Variants in PCLAF observed in about 807,000 individuals in gnomAD.
The protein encoded by PCLAF is PCNA clamp associated factor, also known as PCNA-associated factor.
PCLAF carries 12 observed loss-of-function variants against 15.1 expected under a neutral mutation model. The observed-to-expected ratio is 0.79, with a 90% CI of 0.51 to 1.29. The LOEUF is 1.29. Among genes scored for constraint, PCLAF ranks in the 50% most tolerant of loss-of-function variants. PCLAF has a pLI of 0.00. For synonymous variants in PCLAF, 33 were observed against 47.1 expected, an observed-to-expected ratio of 0.70 and a Z score of 1.22; for missense variants, 116 against 130.9, an observed-to-expected ratio of 0.89 and a Z score of 0.56.
Position 64,374,865 on chromosome 15 carries a change from GAAGA to G in PCLAF, c.290+1874_290+1877del, listed in dbSNP as rs530027936. 6.6e-3 allele frequency among the ~76,000 whole-genome samples: 979 copies of G among 149,114 alleles called. 9 individuals are homozygous for G. Among genetic ancestry groups the G allele is most frequent in the African/African-American group, 0.016 (648 of 40,400 alleles). On this transcript the variant is annotated intron_variant, in intron 3 of 3. Coordinates refer to ENST00000300035, the MANE Select transcript of PCLAF (RefSeq NM_014736.6). ...CCATATCAAAAAAAAAAAAAAAAAG[GAAGA>G]AAGAAAGAAAAAAAGGAAAAAAGGA...
chr15:64,376,577 G>A (rs541385076), intron 3 of PCLAF, among the ~76,000 whole-genome samples, 166 bp downstream of exon 3: 54 of 152,214 alleles, frequency 3.5e-4, no homozygotes, highest in African/African-American at 1.3e-3. Flanking sequence ...GCACCAGCAC[G>A]CCGAGCTAAT....
intron 3 of PCLAF, chr15:64,373,844 A>T: frequency 7.3e-7 from 1 of 1,369,792 alleles, no homozygotes; most frequent in Non-Finnish European, 9.9e-7. Context: ...CTTTCCTCCT[A>T]CATCCAGACA....
At chr15:64,366,920 C>A (rs146710405) in intron 3 of PCLAF, among the ~76,000 whole-genome samples, 107 of 151,908 alleles carry the variant, frequency 7.0e-4, no homozygotes, top group African/African-American at 2.5e-3. Flanking sequence ...TTGAAGTGAG[C>A]TGAGACTGTG....
In PCLAF at chr15:64,371,008, G is replaced by A. The variant is rs575578518; in HGVS notation, c.291-4933C>T. On this transcript the variant is annotated intron_variant, in intron 3 of 3. Transcript: ENST00000300035. The stretch of plus-strand genomic sequence containing the variant: ...TTTTGAGACGGAGTCTCGCGCTGTC[G>A]CCCAGGCTGGAGTGCAGTAGCGCAA... Among the ~76,000 whole-genome samples the A allele has an allele frequency of 7.1e-5, 9 of 125,964 alleles. No homozygotes were observed. In the South Asian group the frequency reaches 1.7e-3, roughly 24 times the overall value. The allele number at this position is 125,964 out of a possible 152,430, so 82.6% of individuals were successfully genotyped here. A position where few individuals can be genotyped will look rare whatever the true frequency, so the allele number is the denominator to read the frequency against.
At chr15:64,383,393 G>C (rs1899874156), upstream of PCLAF, among the ~76,000 whole-genome samples, 1 of 150,424 alleles carries the variant, frequency 6.6e-6, no homozygotes, top group African/African-American at 2.4e-5. Context: ...TTGAGATGGA[G>C]TCTCACTTCT....
At chr15:64,373,855 A>G in intron 3 of PCLAF, 2 of 1,290,540 alleles carry the variant, frequency 1.5e-6, no homozygotes, top group Non-Finnish European at 2.1e-6. Context: ...CATCCAGACA[A>G]GTACTTTGTT....
rs778588532 is a variant in PCLAF, at chr15:64,366,014, G to C, written c.*16C>G. On this transcript the variant is annotated 3_prime_UTR_variant, in exon 4 of 4. Transcript: ENST00000300035. Reference sequence around the variant, plus strand: ...GGTAAACAAGGAGACGTTATTCAAAGATGAATGAGAAAGTTCTATTCTTTT... The same window carrying C: ...GGTAAACAAGGAGACGTTATTCAAACATGAATGAGAAAGTTCTATTCTTTT... 36 of 1,593,404 alleles carry C rather than the reference G, an allele frequency of 2.3e-5. No homozygotes were observed. In the South Asian group the frequency reaches 3.8e-4, roughly 17 times the overall value.
chr15:64,382,412 T>A (rs1596328863), upstream of PCLAF: 5 of 124,790 alleles, frequency 4.0e-5, no homozygotes, highest in Admixed American at 9.7e-5. Flanking sequence ...CGAGATCCTG[T>A]CTCAAAAAAA....
intron 3 of PCLAF, among the ~76,000 whole-genome samples, chr15:64,374,418 A>G (rs981471417): frequency 6.6e-6 from 1 of 152,082 alleles, no homozygotes; most frequent in African/African-American, 2.4e-5. Context: ...GGGCGCCTGT[A>G]GTCCCAGCTA....
intron 3 of PCLAF, among the ~76,000 whole-genome samples, chr15:64,372,505 T>C (rs577371823): frequency 6.6e-6 from 1 of 151,950 alleles, no homozygotes; most frequent in South Asian, 2.1e-4. Context: ...TCCCAGCTGC[T>C]GGGGAGGCTG....
At chr15:64,386,451 G>A (rs1899938978) in intron 1 of PCLAF, among the ~76,000 whole-genome samples, 1 of 152,124 alleles carries the variant, frequency 6.6e-6, no homozygotes, top group East Asian at 1.9e-4. Context: ...CTTTCAAGTA[G>A]CTGAGACTAC....
intron 2 of PCLAF, 61 bp downstream of exon 2, chr15:64,380,897 G>T: frequency 7.0e-7 from 1 of 1,421,464 alleles, no homozygotes; most frequent in Non-Finnish European, 9.8e-7. Context: ...GAAATTCATG[G>T]CAAGCCAGGG....
chr15:64,373,488 G>A lies in PCLAF; in HGVS notation c.290+3255C>T, dbSNP rs1317264952. On this transcript the variant is annotated intron_variant, in intron 3 of 3. Coordinates refer to ENST00000300035, the MANE Select transcript of PCLAF (RefSeq NM_014736.6). ...GGTTGGAGAACTGTAGCTGTTTCTT[G>A]ACCTGCCTCTTAATGGTAGAGATGT... is the stretch of plus-strand genomic sequence containing the variant. 9 of 745,738 alleles carry A rather than the reference G, an allele frequency of 1.2e-5. No homozygotes were observed. In the South Asian group the frequency reaches 3.0e-4, roughly 25 times the overall value. 46.2% of individuals were successfully genotyped at this position (745,738 alleles called of 1,614,324 possible). A position where few individuals can be genotyped will look rare whatever the true frequency, so the allele number is the denominator to read the frequency against.
chr15:64,379,601 ATG>A (rs1821324761), intron 2 of PCLAF, among the ~76,000 whole-genome samples: 1 of 152,228 alleles, frequency 6.6e-6, no homozygotes, highest in African/African-American at 2.4e-5. Flanking sequence ...GAAATAGTAA[ATG>A]TTTTCTAATG....
In PCLAF at chr15:64,381,036, C is replaced by G. The variant is rs754525854; in HGVS notation, c.49G>C (p.Val17Leu). 1.9e-6 allele frequency: 3 copies of G among 1,614,060 alleles called. No individual in the cohort carries two copies. Among genetic ancestry groups the G allele is most frequent in the Non-Finnish European group, 8.5e-7 (1 of 1,179,976 alleles). ...DSVPGTYRKV[V>L]AARAPRKVLG... The stretch of plus-strand genomic sequence containing the variant: ...ACCTTTCTGGGGGCTCGAGCAGCCA[C>G]CACTGTGAAGAGAGGCAAAAAAGGG... Residue 17 changes from valine (V) to leucine (L), a missense_variant and splice_region_variant, in exon 2 of 4, where the codon GTG becomes CTG. Physicochemically the swap from Val to Leu is conservative, Grantham distance 32. Coordinates refer to ENST00000300035, the MANE Select transcript of PCLAF (RefSeq NM_014736.6).
upstream of PCLAF, among the ~76,000 whole-genome samples, chr15:64,385,157 T>C (rs983699409): frequency 8.5e-5 from 13 of 152,128 alleles, no homozygotes; most frequent in Non-Finnish European, 1.9e-4. Flanking sequence ...CCCAAAATGC[T>C]GAGATTACCG....
intron 1 of PCLAF, among the ~76,000 whole-genome samples, chr15:64,386,619 AGTGTGTGT>A (rs35727456): frequency 2.1e-5 from 3 of 146,314 alleles, no homozygotes; most frequent in East Asian, 2.0e-4. Context: ...CACCACGCCC[AGTGTGTGT>A]GTGTGTGTGT....
At position 64,376,800 on chromosome 15, in the gene PCLAF, T is replaced by A. The variant is rs2140529234; in HGVS notation, c.233A>T (p.Lys78Ile). Reference protein sequence around the residue: ...FFRLSPKDSEKENQIPEEAGS... With the variant: ...FFRLSPKDSEIENQIPEEAGS... ...TGCCTCTTCAGGAATCTGATTCTCTTTTTCAGAATCTTTAGGGGACAACCT... is the reference window on the plus strand; with the variant it reads ...TGCCTCTTCAGGAATCTGATTCTCTATTTCAGAATCTTTAGGGGACAACCT... The change falls in exon 3 of 4, where the codon AAA becomes ATA. Residue 78 changes from lysine to isoleucine, a missense_variant. Transcript: ENST00000300035. The A allele has an allele frequency of 6.2e-7, 1 of 1,614,060 alleles. No individual in the cohort carries two copies. Among genetic ancestry groups the A allele is most frequent in the East Asian group, 2.2e-5 (1 of 44,882 alleles).
intron 3 of PCLAF, among the ~76,000 whole-genome samples, chr15:64,367,397 G>A (rs1315574774): frequency 6.6e-6 from 1 of 151,582 alleles, no homozygotes; most frequent in Non-Finnish European, 1.5e-5. Flanking sequence ...CAGCTACTTG[G>A]GAGGCTCAGC....
Sources: allele counts gnomAD v4.1 joint callset (sites outside exome capture counted in the v4.1 genomes callset), GRCh38; gene constraint gnomAD v4.1.1; transcripts MANE v1.5; gene names NCBI Gene and HGNC (gene_info 2026-07-23, HGNC 2026-07-21).